Variants in IQANK1 observed in about 807,000 individuals in gnomAD.
The protein encoded by IQANK1 is IQ motif and ankyrin repeat containing 1, also known as IQ motif and ankyrin repeat domain-containing protein 1.
A neutral mutation model predicts 22.6 loss-of-function variants in IQANK1; 30 were observed. The observed-to-expected ratio is 1.33, with a 90% CI of 0.99 to 1.80. The LOEUF (loss-of-function observed/expected upper bound fraction) is 1.80. Ranked by LOEUF, IQANK1 falls within the 40% of genes most tolerant of loss-of-function variation. The probability of loss-of-function intolerance (pLI) is 0.00; values close to 1 mark genes in which losing one functional copy is unlikely to be tolerated. For missense variants in IQANK1, 275 were observed against 235.2 expected (o/e 1.17, Z -1.11); for synonymous variants, 122 against 99.6 (o/e 1.23, Z -1.34).
intron 7 of IQANK1, among the ~76,000 whole-genome samples, chr8:143,777,140 A>G (rs1162185407): frequency 4.0e-5 from 6 of 151,694 alleles, no homozygotes; most frequent in African/African-American, 1.5e-4. Context: ...ACACACATAT[A>G]TATACACACA....
At chr8:143,740,280 G>A (rs1345200783) in intron 3 of IQANK1, among the ~76,000 whole-genome samples, 2 of 151,956 alleles carry the variant, frequency 1.3e-5, no homozygotes, top group Non-Finnish European at 1.5e-5. Flanking sequence ...TCCCGGGTCC[G>A]CCGCGTCGTG....
chr8:143,739,606 G>C (rs1250534766), intron 2 of IQANK1: 2 of 402,228 alleles, frequency 5.0e-6, no homozygotes, highest in African/African-American at 4.1e-5. Context: ...GGGCCCACAA[G>C]AGCCCAGGTG....
rs1330726425 is a variant in IQANK1 at position 143,790,467 on chromosome 8, T to G, written c.1542T>G (p.Pro514=). 1 of 436,644 alleles carries G rather than the reference T, an allele frequency of 2.3e-6. No individual in the cohort carries two copies. Among genetic ancestry groups the G allele is most frequent in the East Asian group, 3.5e-5 (1 of 28,234 alleles). The allele number at this position is 436,644 out of a possible 1,614,324, so 27.0% of individuals were successfully genotyped here. ...CGCTGCTGCGGCCCACGGACGGGCC[T>G]GAGTATAGCCCCACGCAGTTCCAGG... ...YLSLLRPTDG[P]EYSPTQFQEQ... The change falls in exon 14 of 14, where the codon CCT becomes CCG. Residue 514 remains proline (P), a synonymous_variant. Transcript: ENST00000527139.
intron 3 of IQANK1, among the ~76,000 whole-genome samples, chr8:143,740,256 C>T (rs966794157): frequency 8.2e-4 from 124 of 152,054 alleles, no homozygotes; most frequent in African/African-American, 2.7e-3. Context: ...TCGCGGGGGT[C>T]GGGGCCGCCT....
At chr8:143,786,978 G>A (rs113726143) in intron 7 of IQANK1, among the ~76,000 whole-genome samples, 18 of 152,176 alleles carry the variant, frequency 1.2e-4, no homozygotes, top group Non-Finnish European at 2.6e-4. Context: ...GCGGTAGCAC[G>A]CAGTGAGCTT....
At chr8:143,779,403 A>T (rs1819753927) in intron 7 of IQANK1, among the ~76,000 whole-genome samples, 1 of 152,164 alleles carries the variant, frequency 6.6e-6, no homozygotes. Flanking sequence ...CGATGAATTC[A>T]TCCATCAATT....
intron 3 of IQANK1, among the ~76,000 whole-genome samples, chr8:143,767,119 C>G (rs782307226): frequency 4.6e-5 from 7 of 152,210 alleles, no homozygotes; most frequent in Non-Finnish European, 8.8e-5. Flanking sequence ...GAATTATTTG[C>G]CATTCTTGGC....
chr8:143,763,406 A>C (rs1483370814), intron 3 of IQANK1, among the ~76,000 whole-genome samples: 2 of 152,194 alleles, frequency 1.3e-5, no homozygotes, highest in Admixed American at 1.3e-4. Context: ...TAAGTATTTT[A>C]TATTTATTAG....
intron 3 of IQANK1, among the ~76,000 whole-genome samples, chr8:143,752,804 A>G (rs1421899287): frequency 1.3e-5 from 2 of 152,166 alleles, no homozygotes; most frequent in Non-Finnish European, 2.9e-5. Context: ...GTAGGCTTGT[A>G]TAAGTACTCT....
In IQANK1 at chr8:143,735,423, G is replaced by A. The variant is rs1231283184; in HGVS notation, c.-4-427G>A. Among the ~76,000 whole-genome samples, 1 of 152,180 alleles carries A rather than the reference G, an allele frequency of 6.6e-6. No individual in the cohort carries two copies. Among genetic ancestry groups the A allele is most frequent in the African/African-American group, 2.4e-5 (1 of 41,436 alleles). On this transcript the variant is annotated intron_variant, in intron 1 of 13. Coordinates refer to ENST00000527139, the MANE Select transcript of IQANK1 (RefSeq NM_001381874.1). The surrounding 1 kb of genome is among the most constrained non-coding windows in gnomAD (Gnocchi z 5.2). ...TGGGCTGGGGAGCAGGCTCAGGGGT[G>A]GGCTGGCTTCCCAGGGCAGTGGAGA... is the stretch of plus-strand genomic sequence containing the variant.
At position 143,739,438 on chromosome 8, in the gene IQANK1, G is replaced by C. The variant is rs564361064; in HGVS notation, c.86-421G>C. On this transcript the variant is annotated intron_variant, in intron 2 of 13. Transcript: ENST00000527139. ...CTCAGGAGCAGAGGGACAGCCACCT[G>C]CCAGGGGAGTGCCGAATTGGACACA... 1.2e-3 allele frequency: 206 copies of C among 164,896 alleles called. 1 individual carries two copies. The highest frequency in any genetic ancestry group is 2.2e-3 in the Non-Finnish European group (170 of 76,788). The allele number at this position is 164,896 out of a possible 1,614,324, so 10.2% of individuals were successfully genotyped here.
intron 3 of IQANK1, among the ~76,000 whole-genome samples, chr8:143,748,508 A>G (rs1260463330): frequency 1.4e-5 from 2 of 139,370 alleles, no homozygotes; most frequent in African/African-American, 5.3e-5. Flanking sequence ...TATGATATAT[A>G]ATATATAAAT....
At chr8:143,764,058 C>T (rs1227734191) in intron 3 of IQANK1, among the ~76,000 whole-genome samples, 1 of 152,036 alleles carries the variant, frequency 6.6e-6, no homozygotes, top group East Asian at 1.9e-4. Flanking sequence ...CCTTCAAGGA[C>T]CATGCCTTGT....
Position 143,734,725 on chromosome 8 carries a change from C to T in IQANK1, c.-5+506C>T, listed in dbSNP as rs181659109. Among the ~76,000 whole-genome samples the T allele has an allele frequency of 3.2e-3, 492 of 152,074 alleles. 13 individuals carry two copies. The highest frequency in any genetic ancestry group is 3.1e-3 in the East Asian group (16 of 5,146). On this transcript the variant is annotated intron_variant, in intron 1 of 13. Coordinates refer to ENST00000527139, the MANE Select transcript of IQANK1 (RefSeq NM_001381874.1). Reference sequence around the variant, plus strand: ...ACACTGACTCTGAGAGCACAGGGGACCTCCCTCACATACGGAACCCTGTGT... The same window carrying T: ...ACACTGACTCTGAGAGCACAGGGGATCTCCCTCACATACGGAACCCTGTGT...
intron 7 of IQANK1, among the ~76,000 whole-genome samples, chr8:143,777,830 C>A (rs989601536): frequency 1.1e-4 from 17 of 152,122 alleles, no homozygotes; most frequent in Non-Finnish European, 1.8e-4. Context: ...AAACAAACAG[C>A]AAATGGTAGA....
chr8:143,739,503 G>A, intron 2 of IQANK1: 1 of 232,916 alleles, frequency 4.3e-6, no homozygotes, highest in Non-Finnish European at 8.3e-6. Flanking sequence ...CGTGGCACAA[G>A]GTGGGGGACA....
chr8:143,783,126 CT>C (rs1452928633), intron 7 of IQANK1, among the ~76,000 whole-genome samples: 1 of 152,212 alleles, frequency 6.6e-6, no homozygotes, highest in Non-Finnish European at 1.5e-5. Context: ...AATGATGCTG[CT>C]ATGAACATTC....
chr8:143,789,356 C>T, intron 9 of IQANK1, 80 bp from the exon 10 acceptor site: 1 of 733,390 alleles, frequency 1.4e-6, no homozygotes, highest in South Asian at 6.9e-5. Context: ...GGGGAGGTGT[C>T]CTCAGGCCCC....
At chr8:143,738,573 G>A (rs1818806642) in intron 2 of IQANK1, among the ~76,000 whole-genome samples, 1 of 152,204 alleles carries the variant, frequency 6.6e-6, no homozygotes, top group Non-Finnish European at 1.5e-5. Context: ...TACAGGCCAC[G>A]GGCCCTGCCG....
Sources: gnomAD v4.1 joint callset for allele counts (sites outside exome capture counted in the v4.1 genomes callset) on GRCh38, gnomAD v4.1.1 for gene constraint, Gnocchi (gnomAD v3.1) non-coding constraint, MANE v1.5 for transcripts, NCBI Gene and HGNC (gene_info 2026-07-23, HGNC 2026-07-21) for gene names.